Variants in SLC22A3 observed in about 807,000 individuals in gnomAD.
SLC22A3 encodes solute carrier family 22 member 3.
SLC22A3 carries 51 observed loss-of-function variants against 59.1 expected under a neutral mutation model. The observed-to-expected ratio is 0.86, with a 90% CI of 0.69 to 1.09. The LOEUF is 1.09. SLC22A3 is among the 50% of genes least tolerant of loss of function. The probability of loss-of-function intolerance (pLI) is 0.00; values close to 1 mark genes in which losing one functional copy is unlikely to be tolerated. For missense variants in SLC22A3, 711 were observed against 726.3 expected (o/e 0.98, Z 0.24); for synonymous variants, 325 against 292.0 (o/e 1.11, Z -1.15).
rs1583492464 is a variant in SLC22A3, at chr6:160,415,361, C to T, written c.975+4515C>T. ...TGAACTCCAACCCCAAAAATCACAGCAGGATTCCATTATAGGTTTTGTGCA... is the reference window on the plus strand; with the variant it reads ...TGAACTCCAACCCCAAAAATCACAGTAGGATTCCATTATAGGTTTTGTGCA... On this transcript the variant is annotated intron_variant, in intron 5 of 10. Transcript: ENST00000275300. The surrounding 1 kb of genome is among the most constrained non-coding windows in gnomAD (Gnocchi z 4.1). Among the ~76,000 whole-genome samples, 3 of 152,280 alleles carry T rather than the reference C, an allele frequency of 2.0e-5. No homozygotes were observed. Among genetic ancestry groups the T allele is most frequent in the South Asian group, 4.1e-4 (2 of 4,822 alleles).
chr6:160,436,027 G>C (rs568317413), intron 5 of SLC22A3, among the ~76,000 whole-genome samples: 2 of 152,294 alleles, frequency 1.3e-5, no homozygotes, highest in Admixed American at 6.5e-5. Context: ...GCTAGGAAAG[G>C]CTTCCCAGGG....
chr6:160,353,902 G>A (rs1408165678), intron 1 of SLC22A3, among the ~76,000 whole-genome samples: 1 of 152,100 alleles, frequency 6.6e-6, no homozygotes, highest in Non-Finnish European at 1.5e-5. Flanking sequence ...TCTCAGAGGG[G>A]AACATTATCC....
intron 4 of SLC22A3, among the ~76,000 whole-genome samples, chr6:160,410,069 T>A (rs1245091556): frequency 1.3e-5 from 2 of 152,250 alleles, no homozygotes; most frequent in Non-Finnish European, 2.9e-5. Flanking sequence ...CAGGCTGGAG[T>A]GCAGTGGTGC....
At chr6:160,446,508 C>G (rs1348234446) in intron 9 of SLC22A3, among the ~76,000 whole-genome samples, 1 of 152,054 alleles carries the variant, frequency 6.6e-6, no homozygotes, top group Non-Finnish European at 1.5e-5. Flanking sequence ...AAGAGAAGAG[C>G]AAGGAAAATT....
chr6:160,348,603 C>A lies in SLC22A3; in HGVS notation c.184C>A (p.Arg62Ser), dbSNP rs957872024. ...GCCAAGTGCCGCGGCGCTGGCCGAG[C>A]GCTGCGGCTGGAGCCCGGAGGAGGA... is the stretch of plus-strand genomic sequence containing the variant. ...RGPSAAALAE[R>S]CGWSPEEEWN... Residue 62 changes from arginine to serine, a missense_variant, in exon 1 of 11, where the codon CGC becomes AGC. Physicochemically the swap from Arg to Ser is moderately radical, Grantham distance 110. Coordinates refer to ENST00000275300, the MANE Select transcript of SLC22A3 (RefSeq NM_021977.4). 6.0e-6 allele frequency: 9 copies of A among 1,510,688 alleles called. No homozygotes were observed. In the Admixed American group the frequency reaches 1.0e-4, roughly 17 times the overall value. 93.6% of individuals were successfully genotyped at this position (1,510,688 alleles called of 1,614,324 possible).
Position 160,451,061 on chromosome 6 carries a change from C to T in SLC22A3, c.*5C>T. On this transcript the variant is annotated 3_prime_UTR_variant, in exon 11 of 11. Coordinates refer to ENST00000275300, the MANE Select transcript of SLC22A3 (RefSeq NM_021977.4). ...GTTTCCCGCTCTCACCTTTGAGGCC[C>T]CCGACAAAGACAGAAAGAAGGAGCT... 6.3e-7 allele frequency: 1 copy of T among 1,588,594 alleles called. No homozygotes were observed. Among genetic ancestry groups the T allele is most frequent in the South Asian group, 1.1e-5 (1 of 87,082 alleles).
chr6:160,442,834 T>C lies in SLC22A3; in HGVS notation c.1362T>C (p.Tyr454=). The change falls in exon 8 of 11, where the codon TAT becomes TAC. Residue 454 remains tyrosine, a synonymous_variant. Coordinates refer to ENST00000275300, the MANE Select transcript of SLC22A3 (RefSeq NM_021977.4). The part of the protein sequence containing the change: ...LGITMAFEIV[Y]LVNSELYPTT... Reference sequence around the variant, plus strand: ...TAACCATGGCCTTTGAAATTGTTTATTTGGTAAATTCAGAATTGTACCCAA... The same window carrying C: ...TAACCATGGCCTTTGAAATTGTTTACTTGGTAAATTCAGAATTGTACCCAA... 1 of 1,613,924 alleles carries C rather than the reference T, an allele frequency of 6.2e-7. No homozygotes were observed. Among genetic ancestry groups the C allele is most frequent in the Non-Finnish European group, 8.5e-7 (1 of 1,179,806 alleles).
intron 1 of SLC22A3, among the ~76,000 whole-genome samples, chr6:160,392,500 G>C (rs935859643): frequency 6.6e-6 from 1 of 152,216 alleles, no homozygotes; most frequent in African/African-American, 2.4e-5. Context: ...AACAAGGTGT[G>C]TATATGCCTG....
chr6:160,373,718 A>G (rs1368507192), intron 1 of SLC22A3, among the ~76,000 whole-genome samples: 2 of 152,146 alleles, frequency 1.3e-5, no homozygotes, highest in African/African-American at 4.8e-5. Flanking sequence ...GAGAGGAGGA[A>G]TCTAGAGAGG....
intron 5 of SLC22A3, among the ~76,000 whole-genome samples, chr6:160,432,963 T>G (rs2504928): frequency 0.87 from 131,660 of 152,172 alleles, 57,375 homozygotes; most frequent in East Asian, 1. Flanking sequence ...TGTACAAGTT[T>G]CTCCAGCACT....
chr6:160,391,133 C>T (rs1242429945), intron 1 of SLC22A3, among the ~76,000 whole-genome samples: 2 of 152,184 alleles, frequency 1.3e-5, no homozygotes, highest in Non-Finnish European at 2.9e-5. Context: ...TCTACAAAGA[C>T]CCTATTTCCA....
chr6:160,439,129 A>G (rs1444077696), intron 7 of SLC22A3, among the ~76,000 whole-genome samples: 1 of 152,064 alleles, frequency 6.6e-6, no homozygotes, highest in Non-Finnish European at 1.5e-5. Context: ...TTTAGTATCG[A>G]CTAATTGCCA....
intron 5 of SLC22A3, among the ~76,000 whole-genome samples, chr6:160,422,283 AAAGT>A (rs1787769258): frequency 6.6e-6 from 1 of 152,350 alleles, no homozygotes; most frequent in South Asian, 2.1e-4. Context: ...ATTGTACTAA[AAAGT>A]AAGTAAGTGA....
At chr6:160,397,602 C>T (rs445017) in intron 1 of SLC22A3, among the ~76,000 whole-genome samples, 2,842 of 151,792 alleles carry the variant, frequency 0.019, 73 homozygotes, top group Middle Eastern at 0.075. Context: ...GGCGTGGTGG[C>T]GCACACCTGT....
chr6:160,417,080 T>C (rs1447011433), intron 5 of SLC22A3, among the ~76,000 whole-genome samples: 18 of 152,186 alleles, frequency 1.2e-4, no homozygotes, highest in Admixed American at 1.2e-3. Flanking sequence ...TACATCCCAT[T>C]CCCACCCATT....
At chr6:160,400,984 GAAAAAA>G (rs58532600) in intron 2 of SLC22A3, among the ~76,000 whole-genome samples, 2 of 78,524 alleles carry the variant, frequency 2.5e-5, no homozygotes, top group Admixed American at 1.6e-4. Flanking sequence ...CTCCAAAACT[GAAAAAA>G]AAAAAAAAAA....
At chr6:160,352,913 C>G (rs576168946) in intron 1 of SLC22A3, among the ~76,000 whole-genome samples, 2 of 152,192 alleles carry the variant, frequency 1.3e-5, no homozygotes, top group South Asian at 2.1e-4. Flanking sequence ...CCTTGCCCCC[C>G]GGGTTCAAGC....
chr6:160,407,260 T>G, intron 3 of SLC22A3, 65 bp downstream of exon 3: 1 of 1,486,882 alleles, frequency 6.7e-7, no homozygotes, highest in Non-Finnish European at 9.1e-7. Context: ...CAAATGCTAG[T>G]TAATCAACCT....
intron 5 of SLC22A3, among the ~76,000 whole-genome samples, chr6:160,429,624 C>T (rs954237960): frequency 6.6e-6 from 1 of 152,166 alleles, no homozygotes; most frequent in Non-Finnish European, 1.5e-5. Flanking sequence ...CAGATTCTCT[C>T]TCTAGATCTG....
Sources: allele counts gnomAD v4.1 joint callset (sites outside exome capture counted in the v4.1 genomes callset), GRCh38; gene constraint gnomAD v4.1.1; non-coding constraint Gnocchi (gnomAD v3.1); transcripts MANE v1.5; gene names NCBI Gene and HGNC (gene_info 2026-07-23, HGNC 2026-07-21).